The following PDCD6 variants were observed in gnomAD, a reference collection of about 807,000 sequenced individuals.
PDCD6 encodes the protein programmed cell death protein 6.
Under a neutral mutation model 28.3 loss-of-function variants are expected in PDCD6, and 12 were observed. That is an observed-to-expected ratio of 0.42 (90% confidence interval 0.27 to 0.69). PDCD6 has a LOEUF of 0.69. PDCD6 is among the 30% of genes least tolerant of loss of function. The probability of loss-of-function intolerance (pLI) is 0.22; values close to 1 mark genes in which losing one functional copy is unlikely to be tolerated. For synonymous variants in PDCD6, 92 were observed against 108.0 expected, an observed-to-expected ratio of 0.85 and a Z score of 0.92; for missense variants, 226 against 269.9, an observed-to-expected ratio of 0.84 and a Z score of 1.14.
At chr5:271,842 G>C in intron 1 of PDCD6, 21 bp downstream of exon 1, 1 of 1,315,006 alleles carries the variant, frequency 7.6e-7, no homozygotes, top group Non-Finnish European at 9.9e-7. Context: ...GCACCGCCCG[G>C]GCACCTCCCG....
chr5:314,215 G>A (rs1282645153), intron 5 of PDCD6, among the ~76,000 whole-genome samples: 6 of 152,182 alleles, frequency 3.9e-5, no homozygotes, highest in African/African-American at 9.6e-5. Context: ...AGCCAGCCCC[G>A]CAGCCCTGTG....
rs773280914 is a variant in PDCD6 at position 307,928 on chromosome 5, G to A, written c.367+1168G>A. Among the ~76,000 whole-genome samples, 4 of 152,192 alleles carry A rather than the reference G, an allele frequency of 2.6e-5. No individual in the cohort carries two copies. Among genetic ancestry groups the A allele is most frequent in the African/African-American group, 7.2e-5 (3 of 41,444 alleles). On this transcript the variant is annotated intron_variant, in intron 4 of 5. Transcript: ENST00000264933. This position sits in a 1 kb window ranked among gnomAD's most constrained non-coding sequence, Gnocchi z 6.1. Reference sequence around the variant, plus strand: ...AAGCAGTTCTGAGCTGACCAGCTGCGAGCCAGGATTTGGGCTGGATGGCTC... The same window carrying A: ...AAGCAGTTCTGAGCTGACCAGCTGCAAGCCAGGATTTGGGCTGGATGGCTC...
chr5:312,241 T>G (rs1306720048), intron 5 of PDCD6: 1 of 152,180 alleles, frequency 6.6e-6, no homozygotes, highest in Non-Finnish European at 1.5e-5. Flanking sequence ...CCACGGGAGA[T>G]GGAGAGCAGG....
intron 2 of PDCD6, among the ~76,000 whole-genome samples, chr5:301,503 A>G (rs1473289972): frequency 1.3e-5 from 2 of 151,976 alleles, no homozygotes; most frequent in Non-Finnish European, 2.9e-5. Context: ...ATACCTGTCT[A>G]CTCTCCTTTC....
intron 2 of PDCD6, among the ~76,000 whole-genome samples, chr5:278,248 T>G (rs559356713): frequency 2.6e-5 from 4 of 152,216 alleles, no homozygotes; most frequent in Non-Finnish European, 5.9e-5. Flanking sequence ...ATTAAAAATA[T>G]TTATTTAGAA....
At chr5:311,448 C>G (rs1740911328) in intron 5 of PDCD6, 46 bp downstream of exon 5, 2 of 1,322,622 alleles carry the variant, frequency 1.5e-6, no homozygotes, top group African/African-American at 2.9e-5. Context: ...GTGGGAGGGG[C>G]TTGCTTGCCA....
In PDCD6 at chr5:276,619, G is replaced by T. The variant is rs1480745614; in HGVS notation, c.163+3847G>T. The stretch of plus-strand genomic sequence containing the variant: ...TTAGTTTGATTTCTATAATAATTGT[G>T]CTCCCAGATTGGGCTTCTGTTTTGA... On this transcript the variant is annotated intron_variant, in intron 2 of 5. Coordinates refer to ENST00000264933, the MANE Select transcript of PDCD6 (RefSeq NM_013232.4). 9.2e-6 allele frequency: 9 copies of T among 981,032 alleles called. No individual in the cohort carries two copies. In the South Asian group the frequency reaches 1.9e-4, roughly 21 times the overall value. 60.8% of individuals were successfully genotyped at this position (981,032 alleles called of 1,614,324 possible).
At chr5:313,434 G>A (rs952576887) in intron 5 of PDCD6, among the ~76,000 whole-genome samples, 1 of 152,130 alleles carries the variant, frequency 6.6e-6, no homozygotes, top group Non-Finnish European at 1.5e-5. Flanking sequence ...AAGTCAAGGA[G>A]CCCGGTGGTG....
chr5:285,332 T>C (rs1252426841), intron 2 of PDCD6, among the ~76,000 whole-genome samples: 2 of 136,798 alleles, frequency 1.5e-5, no homozygotes, highest in African/African-American at 5.6e-5. Flanking sequence ...GATACCCGGC[T>C]GGGAGCTGAT....
At position 311,337 on chromosome 5, in the gene PDCD6, T is replaced by C. The variant is rs145654625; in HGVS notation, c.412T>C (p.Phe138Leu). 6 of 1,614,076 alleles carry C rather than the reference T, an allele frequency of 3.7e-6. No homozygotes were observed. In the African/African-American group the frequency reaches 8.0e-5, roughly 22 times the overall value. Reference sequence around the variant, plus strand: ...GTTCCACGACATCCTCATTCGAAAGTTTGACAGGCAGGGACGGGGGCAGAT... The same window carrying C: ...GTTCCACGACATCCTCATTCGAAAGCTTGACAGGCAGGGACGGGGGCAGAT... ...DQFHDILIRK[F>L]DRQGRGQIAF... The change falls in exon 5 of 6, where the codon TTT (phenylalanine) becomes CTT (leucine). Residue 138 changes from phenylalanine (F) to leucine (L), a missense_variant. By Grantham distance (22) the Phe-to-Leu change is conservative. Around this residue, in one of 3 missense-constraint regions of PDCD6, gnomAD observed 151 missense variants for 177.2 expected, o/e 0.85. Transcript: ENST00000264933.
chr5:282,743 A>G (rs1738662087), intron 2 of PDCD6, among the ~76,000 whole-genome samples: 1 of 151,806 alleles, frequency 6.6e-6, no homozygotes, highest in African/African-American at 2.4e-5. Flanking sequence ...GGAACTGGAG[A>G]CCTGGAGAGA....
At chr5:289,067 A>T (rs1250221419) in intron 2 of PDCD6, 10 of 1,295,616 alleles carry the variant, frequency 7.7e-6, no homozygotes, top group Non-Finnish European at 1.1e-5. Flanking sequence ...TTTCCTCAAA[A>T]GTCTCTTCAT....
At chr5:297,080 G>A (rs567628033) in intron 2 of PDCD6, among the ~76,000 whole-genome samples, 2 of 152,182 alleles carry the variant, frequency 1.3e-5, no homozygotes, top group African/African-American at 2.4e-5. Flanking sequence ...ACACTGTGCC[G>A]GGCAGTCGCA....
At chr5:277,172 C>T (rs1738248177) in intron 2 of PDCD6, among the ~76,000 whole-genome samples, 1 of 152,172 alleles carries the variant, frequency 6.6e-6, no homozygotes, top group Admixed American at 6.5e-5. Context: ...ATCGCCCAGG[C>T]TGGAGTGCAG....
chr5:311,994 G>A (rs1740953099), intron 5 of PDCD6: 1 of 153,776 alleles, frequency 6.5e-6, no homozygotes, highest in South Asian at 2.0e-4. Context: ...CAACTATGGT[G>A]TATTTTTACA....
intron 2 of PDCD6, among the ~76,000 whole-genome samples, chr5:297,876 G>C (rs1025000339): frequency 1.3e-5 from 2 of 152,142 alleles, no homozygotes; most frequent in African/African-American, 4.8e-5. Flanking sequence ...TTGTCACATA[G>C]CAATAGGGAA....
intron 2 of PDCD6, among the ~76,000 whole-genome samples, chr5:293,331 C>T (rs1386552760): frequency 4.2e-5 from 6 of 141,756 alleles, no homozygotes; most frequent in Admixed American, 2.8e-4. Flanking sequence ...ATCAAGAAGA[C>T]GGGAACAGCA....
intron 4 of PDCD6, chr5:310,490 T>A (rs1740837514): frequency 6.6e-6 from 1 of 152,294 alleles, no homozygotes; most frequent in Non-Finnish European, 1.5e-5. Context: ...CCTGAGTCAG[T>A]AAGGATATGC....
At chr5:289,357 C>T (rs1004590765) in intron 2 of PDCD6, 14 of 567,640 alleles carry the variant, frequency 2.5e-5, no homozygotes, top group East Asian at 2.4e-4. Flanking sequence ...GCAATGAATA[C>T]AAGAATTTGA....
Sources: allele counts gnomAD v4.1 joint callset (sites outside exome capture counted in the v4.1 genomes callset), GRCh38; gene constraint gnomAD v4.1.1; regional missense constraint gnomAD v4.1.1; non-coding constraint Gnocchi (gnomAD v3.1); transcripts MANE v1.5; gene names NCBI Gene and HGNC (gene_info 2026-07-23, HGNC 2026-07-21).